Variants in DMXL2 observed in about 807,000 individuals in gnomAD.
DMXL2 encodes the protein Dmx like 2, also known as dmX-like protein 2.
A neutral mutation model predicts 331.1 loss-of-function variants in DMXL2; 103 were observed. The observed-to-expected ratio is 0.31, with a 90% CI of 0.27 to 0.37. The LOEUF (loss-of-function observed/expected upper bound fraction) is 0.37. DMXL2 is among the 10% of genes least tolerant of loss of function. The probability of loss-of-function intolerance (pLI) is 1.00; values close to 1 mark genes in which losing one functional copy is unlikely to be tolerated. For synonymous variants in DMXL2, 1,281 were observed against 1,252.1 expected (o/e 1.02, Z -0.49); for missense variants, 3,171 against 3,642.9 (o/e 0.87, Z 3.33).
intron 13 of DMXL2, among the ~76,000 whole-genome samples, chr15:51,528,704 A>G (rs950002069): frequency 1.4e-4 from 22 of 152,154 alleles, no homozygotes; most frequent in African/African-American, 4.1e-4. Context: ...AGAATTGGAC[A>G]TATCTTCTAG....
intron 6 of DMXL2, among the ~76,000 whole-genome samples, chr15:51,561,974 C>G (rs1322051092): frequency 6.6e-6 from 1 of 151,864 alleles, no homozygotes; most frequent in Non-Finnish European, 1.5e-5. Context: ...TATGTGGGAG[C>G]TAAAAAAGGA....
chr15:51,491,538 T>G (rs1430286463), intron 20 of DMXL2, 40 bp downstream of exon 20: 1 of 1,550,364 alleles, frequency 6.5e-7, no homozygotes, highest in Middle Eastern at 1.7e-4. Context: ...TAGGAAAAGG[T>G]TTTTTTAATA....
At chr15:51,510,644 T>A (rs2046699297) in intron 15 of DMXL2, among the ~76,000 whole-genome samples, 1 of 152,070 alleles carries the variant, frequency 6.6e-6, no homozygotes, top group Non-Finnish European at 1.5e-5. Flanking sequence ...TTCAATGCTA[T>A]CCCCATCAAG....
intron 1 of DMXL2, among the ~76,000 whole-genome samples, chr15:51,619,053 A>T (rs537266535): frequency 6.6e-6 from 1 of 152,222 alleles, no homozygotes; most frequent in Non-Finnish European, 1.5e-5. Flanking sequence ...CATTATTTCA[A>T]TTAATATTTT....
intron 13 of DMXL2, among the ~76,000 whole-genome samples, chr15:51,533,109 T>C (rs191972419): frequency 2.2e-3 from 329 of 152,318 alleles, no homozygotes; most frequent in African/African-American, 7.7e-3. Context: ...TACTTATGTA[T>C]AAACCTAACA....
chr15:51,501,488 G>A lies in DMXL2; in HGVS notation c.2993-1257C>T, dbSNP rs149606511. On this transcript the variant is annotated intron_variant, in intron 17 of 43. Coordinates refer to ENST00000560891, the MANE Select transcript of DMXL2 (RefSeq NM_001378457.1). ...TGTTGTTCAAACATTCTTAATAAAG[G>A]TGAGACGTGATTACCACAATGTGAA... is the stretch of plus-strand genomic sequence containing the variant. 3.0e-3 allele frequency among the ~76,000 whole-genome samples: 449 copies of A among 152,130 alleles called. 1 individual carries two copies. Among genetic ancestry groups the A allele is most frequent in the Non-Finnish European group, 4.9e-3 (335 of 67,988 alleles).
chr15:51,450,593 A>G (rs1335230424), intron 42 of DMXL2: 1 of 468,626 alleles, frequency 2.1e-6, no homozygotes, highest in East Asian at 4.3e-5. Context: ...GAAAGTTTAA[A>G]CCTTAAGCCC....
chr15:51,498,371 T>C (rs1210356558), intron 18 of DMXL2, among the ~76,000 whole-genome samples, 181 bp downstream of exon 18: 2 of 152,246 alleles, frequency 1.3e-5, no homozygotes, highest in African/African-American at 2.4e-5. Flanking sequence ...TGCATTCATA[T>C]GCCGGCCTCA....
intron 13 of DMXL2, among the ~76,000 whole-genome samples, chr15:51,526,173 G>C (rs1416035069): frequency 7.8e-6 from 1 of 128,732 alleles, no homozygotes; most frequent in Non-Finnish European, 1.7e-5. Context: ...AGAGAAAGAA[G>C]GGGGGTGGGT....
At chr15:51,560,695 A>G (rs185523152) in intron 6 of DMXL2, among the ~76,000 whole-genome samples, 1 of 151,280 alleles carries the variant, frequency 6.6e-6, no homozygotes, top group Admixed American at 6.6e-5. Context: ...AAAGAAAAAA[A>G]AGAAAAACAC....
rs1352168118 is a variant in DMXL2 at position 51,450,234 on chromosome 15, C to T, written c.8862G>A (p.Arg2954=). Residue 2954 remains arginine, a synonymous_variant, in exon 43 of 44, where the codon AGG becomes AGA. Transcript: ENST00000560891. ...GHVCIFDIRQ[R]QLIHTFQAHD... ...GGGCCTGGAACGTGTGAATGAGCTG[C>T]CTTTGCCTGATGTCAAAAATGCAGA... 1 of 1,614,106 alleles carries T rather than the reference C, an allele frequency of 6.2e-7. No individual in the cohort carries two copies. The highest frequency in any genetic ancestry group is 8.5e-7 in the Non-Finnish European group (1 of 1,180,014).
At chr15:51,551,281 A>G (rs1202050801) in intron 6 of DMXL2, among the ~76,000 whole-genome samples, 1 of 152,290 alleles carries the variant, frequency 6.6e-6, no homozygotes, top group East Asian at 1.9e-4. Flanking sequence ...TTATCTTTCC[A>G]TAAGAATTAT....
chr15:51,483,219 G>A (rs2042144776), intron 23 of DMXL2, among the ~76,000 whole-genome samples: 2 of 152,184 alleles, frequency 1.3e-5, no homozygotes, highest in Admixed American at 1.3e-4. Flanking sequence ...CATAAGGTGT[G>A]TGCCCTCCAC....
At chr15:51,507,023 C>T (rs2046445014) in intron 16 of DMXL2, 111 bp downstream of exon 16, 1 of 825,578 alleles carries the variant, frequency 1.2e-6, no homozygotes, top group Non-Finnish European at 1.7e-6. Context: ...AATTCAGCAA[C>T]TCAATTTACA....
At chr15:51,521,263 T>G (rs889349501) in intron 13 of DMXL2, among the ~76,000 whole-genome samples, 2 of 152,120 alleles carry the variant, frequency 1.3e-5, no homozygotes, top group African/African-American at 4.8e-5. Context: ...GACAAGTAAT[T>G]AAGTTTCTCT....
intron 23 of DMXL2, among the ~76,000 whole-genome samples, chr15:51,483,005 C>A (rs775672992): frequency 6.7e-6 from 1 of 150,150 alleles, no homozygotes; most frequent in Non-Finnish European, 1.5e-5. Flanking sequence ...CTATCTCCCC[C>A]ACCCAGACTG....
At position 51,536,454 on chromosome 15, in the gene DMXL2, T is replaced by G. The variant is rs1018891164; in HGVS notation, c.2026A>C (p.Thr676Pro). 1 of 1,613,794 alleles carries G rather than the reference T, an allele frequency of 6.2e-7. No individual in the cohort carries two copies. Among genetic ancestry groups the G allele is most frequent in the African/African-American group, 1.3e-5 (1 of 74,866 alleles). The part of the protein sequence containing the change: ...LTSSHHNALL[T>P]PELDCQWDSD... The stretch of plus-strand genomic sequence containing the variant: ...TCCCACTGACAATCTAATTCAGGAG[T>G]CAATAGAGCATTATGATGAGAGGAT... Residue 676 changes from threonine to proline, a missense_variant, in exon 12 of 44, where the codon ACT (threonine) becomes CCT (proline). Around this residue, in one of 7 missense-constraint regions of DMXL2, gnomAD observed 1,674 missense variants for 1,780.2 expected, o/e 0.94. Transcript: ENST00000560891.
chr15:51,567,589 A>T (rs11635592), intron 3 of DMXL2: 73,063 of 151,956 alleles, frequency 0.48, 17,876 homozygotes, highest in Non-Finnish European at 0.52. Context: ...GCTGGAGGAA[A>T]AACATTCCTG....
intron 28 of DMXL2, 119 bp downstream of exon 28, chr15:51,474,225 G>C: frequency 1.1e-6 from 1 of 897,042 alleles, no homozygotes; most frequent in Non-Finnish European, 1.7e-6. Flanking sequence ...CATAACAAGA[G>C]TGATTATACT....
Sources: gnomAD v4.1 joint callset for allele counts (sites outside exome capture counted in the v4.1 genomes callset) on GRCh38, gnomAD v4.1.1 for gene constraint, gnomAD v4.1.1 regional missense constraint, MANE v1.5 for transcripts, NCBI Gene and HGNC (gene_info 2026-07-23, HGNC 2026-07-21) for gene names.